The following PLXNA2 variants were observed in gnomAD, a reference collection of about 807,000 sequenced individuals.
PLXNA2 encodes plexin A2.
PLXNA2 carries 91 observed loss-of-function variants against 193.5 expected under a neutral mutation model. The ratio of observed to expected loss-of-function variants is 0.47; its 90% CI spans 0.40 to 0.56. PLXNA2 has a LOEUF of 0.56. Among genes scored for constraint, PLXNA2 ranks in the 20% least tolerant of loss-of-function variants. The probability of loss-of-function intolerance (pLI) is 0.00; values close to 1 mark genes in which losing one functional copy is unlikely to be tolerated. For missense variants in PLXNA2, 1,995 were observed against 2,503.2 expected, an observed-to-expected ratio of 0.80 and a Z score of 4.33; for synonymous variants, 997 against 1,027.3, an observed-to-expected ratio of 0.97 and a Z score of 0.56.
At chr1:208,141,552 C>A (rs1449545126) in intron 4 of PLXNA2, among the ~76,000 whole-genome samples, 1 of 152,138 alleles carries the variant, frequency 6.6e-6, no homozygotes, top group Non-Finnish European at 1.5e-5. Context: ...AAGACCCCTG[C>A]TGCTGCTGCT....
At chr1:208,089,966 G>T (rs1666656961) in intron 9 of PLXNA2, among the ~76,000 whole-genome samples, 1 of 152,166 alleles carries the variant, frequency 6.6e-6, no homozygotes, top group South Asian at 2.1e-4. Context: ...TCAGGGATGG[G>T]GTTCTCCTAA....
chr1:208,055,648 A>G (rs554313464), intron 13 of PLXNA2, among the ~76,000 whole-genome samples: 126 of 152,278 alleles, frequency 8.3e-4, no homozygotes, highest in African/African-American at 3.0e-3. Context: ...CCCCAGCATT[A>G]TCCTGGCACG....
intron 3 of PLXNA2, among the ~76,000 whole-genome samples, chr1:208,203,654 T>C (rs1003605502): frequency 3.9e-5 from 6 of 152,004 alleles, no homozygotes; most frequent in African/African-American, 1.2e-4. Context: ...GGTTAGTGTG[T>C]TTGGGGAGAA....
chr1:208,241,776 G>A (rs76593407), intron 1 of PLXNA2, among the ~76,000 whole-genome samples: 4,593 of 152,266 alleles, frequency 0.03, 275 homozygotes, highest in East Asian at 0.26. Flanking sequence ...GATCGGCTGC[G>A]GAGTGGAGGG....
At chr1:208,052,301 C>T (rs563489185) in intron 15 of PLXNA2, 26 bp downstream of exon 15, 1 of 1,609,896 alleles carries the variant, frequency 6.2e-7, no homozygotes, top group Non-Finnish European at 8.5e-7. Flanking sequence ...GTGCAGTCTT[C>T]TGGTGGCCCT....
chr1:208,214,440 C>T (rs1671061340), intron 2 of PLXNA2, among the ~76,000 whole-genome samples: 2 of 152,182 alleles, frequency 1.3e-5, no homozygotes, highest in South Asian at 4.1e-4. Flanking sequence ...TTTTAATCCC[C>T]ATCTGGTTTA....
intron 12 of PLXNA2, 22 bp from the exon 13 acceptor site, chr1:208,060,859 A>G (rs913711030): frequency 6.2e-7 from 1 of 1,612,120 alleles, no homozygotes; most frequent in South Asian, 1.1e-5. Flanking sequence ...AAATGGGATT[A>G]GCAATTTGGT....
At chr1:208,179,537 C>T (rs563753845) in intron 3 of PLXNA2, among the ~76,000 whole-genome samples, 1 of 152,264 alleles carries the variant, frequency 6.6e-6, no homozygotes, top group Non-Finnish European at 1.5e-5. Context: ...CCCCACCAGA[C>T]CAACCCTTGG....
At chr1:208,160,110 T>C (rs1263228788) in intron 3 of PLXNA2, among the ~76,000 whole-genome samples, 1 of 152,208 alleles carries the variant, frequency 6.6e-6, no homozygotes, top group Admixed American at 6.5e-5. Context: ...GGAATGCCAG[T>C]GAAACCCAAC....
At chr1:208,175,479 G>A (rs769341337) in intron 3 of PLXNA2, among the ~76,000 whole-genome samples, 1 of 152,206 alleles carries the variant, frequency 6.6e-6, no homozygotes, top group African/African-American at 2.4e-5. Flanking sequence ...ATTAAAGTAA[G>A]AAGAGATAGA....
At chr1:208,187,630 G>C (rs1670049857) in intron 3 of PLXNA2, among the ~76,000 whole-genome samples, 1 of 152,222 alleles carries the variant, frequency 6.6e-6, no homozygotes, top group Admixed American at 6.5e-5. Flanking sequence ...GCTATGCGAA[G>C]ACGTCTGCAA....
At chr1:208,086,288 A>G (rs1334891921) in intron 9 of PLXNA2, among the ~76,000 whole-genome samples, 1 of 152,148 alleles carries the variant, frequency 6.6e-6, no homozygotes, top group African/African-American at 2.4e-5. Context: ...AGAAAATAAA[A>G]TAAAGCAACC....
rs1668992446 is a variant in PLXNA2 at position 208,158,021 on chromosome 1, G to A, written c.1372-15558C>T. 1.3e-5 allele frequency among the ~76,000 whole-genome samples: 2 copies of A among 152,208 alleles called. 1 individual carries two copies. The highest frequency in any genetic ancestry group is 4.1e-4 in the South Asian group (2 of 4,834). Reference sequence around the variant, plus strand: ...GCATTCCTCACTGGCACCGTGTGCTGTGAAACCAGGCCAGTGTGCTGGACA... The same window carrying A: ...GCATTCCTCACTGGCACCGTGTGCTATGAAACCAGGCCAGTGTGCTGGACA... On this transcript the variant is annotated intron_variant, in intron 3 of 31. Transcript: ENST00000367033.
At chr1:208,073,710 G>A (rs138500195) in intron 12 of PLXNA2, among the ~76,000 whole-genome samples, 19 of 151,970 alleles carry the variant, frequency 1.3e-4, no homozygotes, top group Admixed American at 9.8e-4. Flanking sequence ...AGAGGTAATC[G>A]TATTAAAATG....
chr1:208,192,535 A>C (rs1003240577), intron 3 of PLXNA2, among the ~76,000 whole-genome samples: 3 of 152,188 alleles, frequency 2.0e-5, no homozygotes, highest in African/African-American at 7.2e-5. Flanking sequence ...ACTTTGATTG[A>C]AGAAGGGTGG....
Position 208,044,012 on chromosome 1 carries a change from AC to A in PLXNA2, c.3874+495del, listed in dbSNP as rs952568215. 1.1e-4 allele frequency among the ~76,000 whole-genome samples: 16 copies of A among 152,368 alleles called. No individual in the cohort carries two copies. Among genetic ancestry groups the A allele is most frequent in the African/African-American group, 3.8e-4 (16 of 41,590 alleles). Reference sequence around the variant, plus strand: ...CCCACACACGTCCACAGCCAAGGACACCAGCAAGTGGCGGCCTTCAGAGCGC... The same window carrying A: ...CCCACACACGTCCACAGCCAAGGACACAGCAAGTGGCGGCCTTCAGAGCGC... On this transcript the variant is annotated intron_variant, in intron 20 of 31. Coordinates refer to ENST00000367033, the MANE Select transcript of PLXNA2 (RefSeq NM_025179.4). The surrounding 1 kb of genome is among the most constrained non-coding windows in gnomAD (Gnocchi z 4.9).
At chr1:208,087,209 T>G (rs1666560111) in intron 9 of PLXNA2, among the ~76,000 whole-genome samples, 1 of 152,136 alleles carries the variant, frequency 6.6e-6, no homozygotes. Context: ...AAAAAGATTG[T>G]TGAATCCTTT....
rs572418870 is a variant in PLXNA2 at position 208,025,374 on chromosome 1, A to T, written c.*1869T>A. On this transcript the variant is annotated 3_prime_UTR_variant, in exon 32 of 32. Coordinates refer to ENST00000367033, the MANE Select transcript of PLXNA2 (RefSeq NM_025179.4). ...TTGGAGGTAAAGCAGGGCACGGAGA[A>T]GCTGGAGCCCAGAGTTAATAACAGA... 6.6e-6 allele frequency: 1 copy of T among 152,490 alleles called. No individual in the cohort carries two copies. The highest frequency in any genetic ancestry group is 1.9e-4 in the East Asian group (1 of 5,190). The allele number at this position is 152,490 out of a possible 1,614,324, so 9.4% of individuals were successfully genotyped here.
chr1:208,149,494 G>C lies in PLXNA2; in HGVS notation c.1372-7031C>G, dbSNP rs190292290. The stretch of plus-strand genomic sequence containing the variant: ...TATGTATGGTGTGTGTAAGTCTGTT[G>C]TATGAGTATGGTGTATAGGCACTGT... On this transcript the variant is annotated intron_variant, in intron 3 of 31. Coordinates refer to ENST00000367033, the MANE Select transcript of PLXNA2 (RefSeq NM_025179.4). Among the ~76,000 whole-genome samples, 6 of 151,938 alleles carry C rather than the reference G, an allele frequency of 3.9e-5. No individual in the cohort carries two copies. The East Asian group carries it at 1.2e-3, about 29-fold the overall frequency.
Sources: allele counts gnomAD v4.1 joint callset (sites outside exome capture counted in the v4.1 genomes callset), GRCh38; gene constraint gnomAD v4.1.1; non-coding constraint Gnocchi (gnomAD v3.1); transcripts MANE v1.5; gene names NCBI Gene and HGNC (gene_info 2026-07-23, HGNC 2026-07-21).